Variants in API5 observed in about 807,000 individuals in gnomAD.
The protein encoded by API5 is apoptosis inhibitor 5.
API5 carries 6 observed loss-of-function variants against 71.9 expected under a neutral mutation model. That is an observed-to-expected ratio of 0.08 (90% CI 0.05 to 0.16). The LOEUF (loss-of-function observed/expected upper bound fraction) is 0.16, where lower values mean the gene tolerates loss of function less well. API5 is among the 10% of genes least tolerant of loss of function. API5 has a pLI of 1.00. For missense variants in API5, 332 were observed against 612.8 expected (o/e 0.54, Z 4.84); for synonymous variants, 189 against 221.3 (o/e 0.85, Z 1.30).
intron 13 of API5, among the ~76,000 whole-genome samples, chr11:43,339,693 T>C (rs190007323): frequency 2.0e-5 from 3 of 152,334 alleles, no homozygotes; most frequent in Admixed American, 1.3e-4. Flanking sequence ...GAAGCTTATG[T>C]AGCTGATAAA....
chr11:43,335,753 C>T (rs1019234029), intron 12 of API5, 105 bp from the exon 13 acceptor site: 12 of 1,253,534 alleles, frequency 9.6e-6, no homozygotes, highest in African/African-American at 6.1e-5. Context: ...ATGAGATTAT[C>T]CTCTTTAGGA....
chr11:43,342,844 T>G lies in API5; in HGVS notation c.*334T>G. 1 of 564,592 alleles carries G rather than the reference T, an allele frequency of 1.8e-6. No homozygotes were observed. Among genetic ancestry groups the G allele is most frequent in the Non-Finnish European group, 3.1e-6 (1 of 320,476 alleles). 35.0% of individuals were successfully genotyped at this position (564,592 alleles called of 1,614,324 possible). On this transcript the variant is annotated 3_prime_UTR_variant, in exon 14 of 14. Transcript: ENST00000531273. ...AAAATGTAATGAAATTCAGTCTAGT[T>G]CTGCTGATAAAGATCATCAGTTTTG...
At chr11:43,340,600 A>C (rs1401700307) in intron 13 of API5, among the ~76,000 whole-genome samples, 2 of 152,234 alleles carry the variant, frequency 1.3e-5, no homozygotes, top group Non-Finnish European at 2.9e-5. Flanking sequence ...GCAATGGAAC[A>C]GAACAGAGAA....
chr11:43,341,409 T>TA (rs555874079), intron 13 of API5, among the ~76,000 whole-genome samples: 22 of 152,058 alleles, frequency 1.4e-4, no homozygotes, highest in African/African-American at 5.3e-4. Flanking sequence ...TATTCAGCCA[T>TA]AAAAAAAGAA....
chr11:43,326,644 G>C, intron 7 of API5, 33 bp downstream of exon 7: 1 of 1,182,586 alleles, frequency 8.5e-7, no homozygotes, highest in Non-Finnish European at 1.2e-6. Flanking sequence ...GCACTGATAA[G>C]GCATTCTTAT....
chr11:43,314,129 TG>T (rs1213398098), intron 1 of API5, among the ~76,000 whole-genome samples: 1 of 151,944 alleles, frequency 6.6e-6, no homozygotes, highest in Non-Finnish European at 1.5e-5. Context: ...AAACTATGTG[TG>T]GTCAATCAGT....
intron 6 of API5, 26 bp from the exon 7 acceptor site, chr11:43,326,481 A>G: frequency 7.2e-7 from 1 of 1,392,764 alleles, no homozygotes; most frequent in Non-Finnish European, 1.0e-6. Flanking sequence ...TTTTTCGACA[A>G]TGCATTTTCT....
At chr11:43,338,964 A>G (rs1855525435) in intron 13 of API5, among the ~76,000 whole-genome samples, 1 of 152,160 alleles carries the variant, frequency 6.6e-6, no homozygotes, top group Non-Finnish European at 1.5e-5. Flanking sequence ...CTACTGCACT[A>G]CCTTAATGCT....
intron 11 of API5, among the ~76,000 whole-genome samples, chr11:43,330,822 A>G (rs984607475): frequency 6.6e-6 from 1 of 152,234 alleles, no homozygotes; most frequent in East Asian, 1.9e-4. Context: ...TGTGGTATGT[A>G]GCACAATGAA....
At chr11:43,319,187 C>T (rs1044612343) in intron 2 of API5, among the ~76,000 whole-genome samples, 1 of 151,614 alleles carries the variant, frequency 6.6e-6, no homozygotes, top group Admixed American at 6.6e-5. Context: ...GTTTCACTAC[C>T]CTTATATATT....
intron 6 of API5, among the ~76,000 whole-genome samples, 183 bp downstream of exon 6, chr11:43,323,819 A>C (rs564533904): frequency 2.0e-5 from 3 of 152,154 alleles, no homozygotes; most frequent in Non-Finnish European, 4.4e-5. Context: ...CCTAATTCAA[A>C]AATCCAAAAC....
intron 11 of API5, among the ~76,000 whole-genome samples, chr11:43,333,153 T>A (rs1007377787): frequency 2.6e-5 from 4 of 152,190 alleles, no homozygotes; most frequent in Admixed American, 1.3e-4. Flanking sequence ...AGGCCTTCTG[T>A]ATCCAAAGTG....
chr11:43,337,494 C>T (rs1266690777), intron 13 of API5, among the ~76,000 whole-genome samples: 1 of 152,176 alleles, frequency 6.6e-6, no homozygotes, highest in African/African-American at 2.4e-5. Context: ...CCCTTCCCCT[C>T]CAGACTCTGA....
rs758860985 is a variant in API5, at chr11:43,342,934, C to T, written c.*424C>T. 38 of 371,842 alleles carry T rather than the reference C, an allele frequency of 1.0e-4. No homozygotes were observed. Among genetic ancestry groups the T allele is most frequent in the Non-Finnish European group, 1.8e-4 (37 of 208,408 alleles). 23.0% of individuals were successfully genotyped at this position (371,842 alleles called of 1,614,324 possible). A position where few individuals can be genotyped will look rare whatever the true frequency, so the allele number is the denominator to read the frequency against. The stretch of plus-strand genomic sequence containing the variant: ...CCAATATATGGAGAAGAGTAATGGT[C>T]AATCTTAACATTTTGTTTTAATTGT... On this transcript the variant is annotated 3_prime_UTR_variant, in exon 14 of 14. Transcript: ENST00000531273.
At chr11:43,327,536 G>A (rs1855114075) in intron 7 of API5, among the ~76,000 whole-genome samples, 2 of 152,160 alleles carry the variant, frequency 1.3e-5, no homozygotes, top group African/African-American at 4.8e-5. Context: ...GGAAATCATG[G>A]GATCTGGGTT....
chr11:43,326,334 C>T (rs866676570), intron 6 of API5, among the ~76,000 whole-genome samples, 173 bp from the exon 7 acceptor site: 19 of 152,100 alleles, frequency 1.2e-4, no homozygotes, highest in African/African-American at 3.6e-4. Flanking sequence ...GAAGCCCCTT[C>T]GTAGATCACC....
chr11:43,313,492 A>C (rs1233918800), intron 1 of API5, among the ~76,000 whole-genome samples: 1 of 152,162 alleles, frequency 6.6e-6, no homozygotes, highest in East Asian at 1.9e-4. Flanking sequence ...TCTTGGAGAA[A>C]GTGGAAGATT....
intron 11 of API5, among the ~76,000 whole-genome samples, chr11:43,332,455 T>G (rs998234228): frequency 9.9e-5 from 15 of 152,066 alleles, no homozygotes; most frequent in African/African-American, 3.4e-4. Context: ...ACCTTAGGTT[T>G]GGTTAAATTG....
Position 43,326,401 on chromosome 11 carries a change from G to A in API5, c.751-106G>A, listed in dbSNP as rs552538485. ...GTGCACTATATCGTATTTGTAGTCA[G>A]AATACTTGATGCTGTAGCGCTCAGC... On this transcript the variant is annotated intron_variant, in intron 6 of 13. Transcript: ENST00000531273. 6.0e-5 allele frequency: 43 copies of A among 714,036 alleles called. No individual in the cohort carries two copies. The South Asian group carries it at 7.4e-4, about 12-fold the overall frequency. 44.2% of individuals were successfully genotyped at this position (714,036 alleles called of 1,614,324 possible). A position where few individuals can be genotyped will look rare whatever the true frequency, so the allele number is the denominator to read the frequency against.
Sources: allele counts gnomAD v4.1 joint callset (sites outside exome capture counted in the v4.1 genomes callset), GRCh38; gene constraint gnomAD v4.1.1; transcripts MANE v1.5; gene names NCBI Gene and HGNC (gene_info 2026-07-23, HGNC 2026-07-21).